Variants in GRM8 observed in about 807,000 individuals in gnomAD.
The protein encoded by GRM8 is glutamate metabotropic receptor 8.
GRM8 carries 47 observed loss-of-function variants against 87.2 expected under a neutral mutation model. That is an observed-to-expected ratio of 0.54 (90% confidence interval 0.43 to 0.69). GRM8 has a LOEUF of 0.69. GRM8 is among the 30% of genes least tolerant of loss of function. The pLI is 0.00. For synonymous variants in GRM8, 396 were observed against 404.5 expected, an observed-to-expected ratio of 0.98 and a Z score of 0.25; for missense variants, 1,019 against 1,139.2, an observed-to-expected ratio of 0.89 and a Z score of 1.52.
intron 9 of GRM8, among the ~76,000 whole-genome samples, chr7:126,510,846 T>C (rs1477925863): frequency 1.3e-5 from 2 of 152,126 alleles, no homozygotes; most frequent in Non-Finnish European, 2.9e-5. Flanking sequence ...CATTGGCACA[T>C]ATTTGTGAAA....
At chr7:126,605,588 C>T (rs80083268) in intron 8 of GRM8, among the ~76,000 whole-genome samples, 2 of 151,820 alleles carry the variant, frequency 1.3e-5, no homozygotes, top group Non-Finnish European at 2.9e-5. Flanking sequence ...AACCATATAC[C>T]CTCTTTGTAC....
intron 7 of GRM8, among the ~76,000 whole-genome samples, chr7:126,637,997 T>G (rs1023011292): frequency 6.6e-6 from 1 of 152,060 alleles, no homozygotes; most frequent in Non-Finnish European, 1.5e-5. Flanking sequence ...ATTCCTCCTA[T>G]CTCCTGAAGT....
chr7:127,081,253 T>C (rs916694268), intron 3 of GRM8, among the ~76,000 whole-genome samples: 1 of 152,186 alleles, frequency 6.6e-6, no homozygotes, highest in Admixed American at 6.5e-5. Context: ...CCAGTCACAC[T>C]GAACAGCTTG....
chr7:126,533,287 T>A lies in GRM8; in HGVS notation c.2095A>T (p.Thr699Ser). ...FISPASQLVI[T>S]FSLISVQLLG... ...AGCTGGACGGAGATGAGGCTGAAGG[T>A]GATCACCAGCTGAGATGCTGGACTA... is the stretch of plus-strand genomic sequence containing the variant. The change falls in exon 9 of 11, where the codon ACC (threonine) becomes TCC (serine). Residue 699 changes from threonine (T) to serine (S), a missense_variant. Coordinates refer to ENST00000339582, the MANE Select transcript of GRM8 (RefSeq NM_000845.3). 6.2e-7 allele frequency: 1 copy of A among 1,613,428 alleles called. No individual in the cohort carries two copies. Among genetic ancestry groups the A allele is most frequent in the Non-Finnish European group, 8.5e-7 (1 of 1,179,800 alleles).
At chr7:126,477,627 GAAAGAA>G (rs1343300779) in intron 9 of GRM8, among the ~76,000 whole-genome samples, 137 of 131,560 alleles carry the variant, frequency 1.0e-3, no homozygotes, top group African/African-American at 3.8e-3. Context: ...AAGAAAGAAA[GAAAGAA>G]AGAAAAAACG....
intron 8 of GRM8, among the ~76,000 whole-genome samples, chr7:126,601,308 T>C (rs12381305): frequency 0.32 from 48,635 of 151,726 alleles, 8,434 homozygotes; most frequent in East Asian, 0.44. Flanking sequence ...ATATGCGCCA[T>C]ATTTTCTTAA....
chr7:126,963,101 G>A (rs545738611), intron 3 of GRM8, among the ~76,000 whole-genome samples: 1 of 152,274 alleles, frequency 6.6e-6, no homozygotes, highest in East Asian at 1.9e-4. Flanking sequence ...TTCAAGACAG[G>A]ATAGACTCTA....
chr7:126,474,290 A>G (rs1345293171), intron 9 of GRM8, among the ~76,000 whole-genome samples: 2 of 152,008 alleles, frequency 1.3e-5, no homozygotes, highest in Non-Finnish European at 2.9e-5. Context: ...ATATTTGGAG[A>G]CAGGGTCTCA....
In GRM8 at chr7:126,634,744, G is replaced by T. The variant is rs141905242; in HGVS notation, c.1358-25246C>A. ...GAAATGATTACTAATATTATCAAATGATTATTGGGTCCTTATTTGCAGACG... is the reference window on the plus strand; with the variant it reads ...GAAATGATTACTAATATTATCAAATTATTATTGGGTCCTTATTTGCAGACG... On this transcript the variant is annotated intron_variant, in intron 7 of 10. Coordinates refer to ENST00000339582, the MANE Select transcript of GRM8 (RefSeq NM_000845.3). 1.3e-4 allele frequency among the ~76,000 whole-genome samples: 20 copies of T among 152,158 alleles called. No individual in the cohort carries two copies. In the East Asian group the frequency reaches 3.9e-3, roughly 29 times the overall value.
At chr7:127,052,005 G>A (rs536687177) in intron 3 of GRM8, among the ~76,000 whole-genome samples, 1 of 152,146 alleles carries the variant, frequency 6.6e-6, no homozygotes, top group Non-Finnish European at 1.5e-5. Context: ...TGGTTAAGAT[G>A]TGACCTGGGG....
chr7:127,185,397 T>C (rs1196657793), intron 2 of GRM8, among the ~76,000 whole-genome samples: 1 of 152,082 alleles, frequency 6.6e-6, no homozygotes, highest in Non-Finnish European at 1.5e-5. Context: ...ATGGGAATAT[T>C]TGGATGTTTA....
At chr7:126,452,004 G>A (rs1802663708) in intron 9 of GRM8, among the ~76,000 whole-genome samples, 2 of 151,670 alleles carry the variant, frequency 1.3e-5, no homozygotes, top group African/African-American at 2.4e-5. Context: ...TGAATATTGG[G>A]AATTTTACCT....
At chr7:126,618,306 G>A (rs1293421100) in intron 7 of GRM8, among the ~76,000 whole-genome samples, 2 of 152,058 alleles carry the variant, frequency 1.3e-5, no homozygotes, top group Non-Finnish European at 2.9e-5. Context: ...AATGGTGCTG[G>A]GAAAACTGGC....
At chr7:127,015,068 AAAGAAAGAAGGAG>A (rs1180383969) in intron 3 of GRM8, among the ~76,000 whole-genome samples, 1,463 of 92,648 alleles carry the variant, frequency 0.016, 8 homozygotes, top group Middle Eastern at 0.03. Flanking sequence ...GAAGAAGAAG[AAAGAAAGAAGGAG>A]AAGAAGGAGA....
At chr7:127,112,237 T>A (rs1424138861) in intron 2 of GRM8, 11 of 152,220 alleles carry the variant, frequency 7.2e-5, no homozygotes, top group Admixed American at 2.0e-4. Flanking sequence ...ACAAACATTT[T>A]CCCAAGTAAG....
intron 3 of GRM8, among the ~76,000 whole-genome samples, chr7:126,990,908 T>C (rs997263037): frequency 3.9e-5 from 6 of 152,194 alleles, no homozygotes; most frequent in Non-Finnish European, 7.4e-5. Flanking sequence ...ATATAAAAAT[T>C]AAACATTTAG....
At chr7:126,562,405 G>A (rs1793802557) in intron 8 of GRM8, among the ~76,000 whole-genome samples, 1 of 152,124 alleles carries the variant, frequency 6.6e-6, no homozygotes, top group Admixed American at 6.5e-5. Flanking sequence ...TTCCCAGTTA[G>A]TTTTTGAGTC....
At chr7:126,943,274 T>C (rs1264560451) in intron 3 of GRM8, among the ~76,000 whole-genome samples, 1 of 152,164 alleles carries the variant, frequency 6.6e-6, no homozygotes, top group Non-Finnish European at 1.5e-5. Context: ...CAGAATTCAG[T>C]CCCAACCAGT....
At chr7:126,552,271 T>C (rs1789478545) in intron 8 of GRM8, among the ~76,000 whole-genome samples, 1 of 152,154 alleles carries the variant, frequency 6.6e-6, no homozygotes, top group African/African-American at 2.4e-5. Flanking sequence ...TCTATTAGTT[T>C]TAACTATTCT....
Sources: gnomAD v4.1 joint callset for allele counts (sites outside exome capture counted in the v4.1 genomes callset) on GRCh38, gnomAD v4.1.1 for gene constraint, MANE v1.5 for transcripts, NCBI Gene and HGNC (gene_info 2026-07-23, HGNC 2026-07-21) for gene names.